PRKN: variants seen among roughly 807,000 people sequenced by gnomAD.
The protein encoded by PRKN is parkin RBR E3 ubiquitin protein ligase.
In PRKN, 56 loss-of-function variants were observed where a neutral mutation model predicts 59.5. The observed-to-expected ratio is 0.94, with a 90% CI of 0.76 to 1.18. The LOEUF is 1.18. PRKN is among the 50% of genes most tolerant of loss of function. The pLI, the probability that PRKN is intolerant of heterozygous loss-of-function variation, is 0.00. For missense variants in PRKN, 657 were observed against 596.4 expected, an observed-to-expected ratio of 1.10 and a Z score of -1.06; for synonymous variants, 250 against 222.1, an observed-to-expected ratio of 1.13 and a Z score of -1.12.
chr6:162,500,938 G>C (rs1391804901), intron 1 of PRKN, among the ~76,000 whole-genome samples: 1 of 152,158 alleles, frequency 6.6e-6, no homozygotes, highest in Non-Finnish European at 1.5e-5. Context: ...GGCTGAGGCA[G>C]AAGGACTGCT....
In PRKN at chr6:161,405,507, T is replaced by A. The variant is rs534051523; in HGVS notation, c.1084-18630A>T. 9.2e-5 allele frequency among the ~76,000 whole-genome samples: 14 copies of A among 151,940 alleles called. No individual in the cohort carries two copies. In the East Asian group the frequency reaches 2.7e-3, roughly 29 times the overall value. ...GCAGGAGAATTGCTTGAACCCAAGATGTGCAGGTTGTAGTGACCCAAGATC... is the reference window on the plus strand; with the variant it reads ...GCAGGAGAATTGCTTGAACCCAAGAAGTGCAGGTTGTAGTGACCCAAGATC... On this transcript the variant is annotated intron_variant, in intron 9 of 11. Transcript: ENST00000366898. This position sits in a 1 kb window ranked among gnomAD's most constrained non-coding sequence, Gnocchi z 5.1.
intron 7 of PRKN, among the ~76,000 whole-genome samples, chr6:161,750,586 G>A (rs1385571647): frequency 6.6e-6 from 1 of 151,880 alleles, no homozygotes; most frequent in East Asian, 1.9e-4. Flanking sequence ...TGACCAACAT[G>A]GTGAAAACCC....
chr6:162,171,986 T>C (rs1027585318), intron 4 of PRKN, among the ~76,000 whole-genome samples: 1 of 152,138 alleles, frequency 6.6e-6, no homozygotes, highest in Non-Finnish European at 1.5e-5. Flanking sequence ...GCATTTTAAA[T>C]ACACTAATAT....
In PRKN at chr6:161,746,430, G is replaced by T. The variant is rs534095483; in HGVS notation, c.871+39342C>A. ...GTCTAAGTCCAGAATCCCCCCAGCTGTTATCCCCAAGCCTAATGCTCAAAC... is the reference window on the plus strand; with the variant it reads ...GTCTAAGTCCAGAATCCCCCCAGCTTTTATCCCCAAGCCTAATGCTCAAAC... On this transcript the variant is annotated intron_variant, in intron 7 of 11. Coordinates refer to ENST00000366898, the MANE Select transcript of PRKN (RefSeq NM_004562.3). Among the ~76,000 whole-genome samples, 184 of 151,830 alleles carry T rather than the reference G, an allele frequency of 1.2e-3. 1 individual carries two copies. Among genetic ancestry groups the T allele is most frequent in the African/African-American group, 4.4e-3 (182 of 41,404 alleles).
chr6:161,543,906 C>T (rs9458298), intron 9 of PRKN, among the ~76,000 whole-genome samples: 27,729 of 151,982 alleles, frequency 0.18, 2,808 homozygotes, highest in Middle Eastern at 0.29. Flanking sequence ...CATTTTGCAT[C>T]GGAGTCATTA....
At chr6:161,452,168 G>A (rs1258179735) in intron 9 of PRKN, among the ~76,000 whole-genome samples, 1 of 150,164 alleles carries the variant, frequency 6.7e-6, no homozygotes, top group East Asian at 1.9e-4. Flanking sequence ...TGGCTAGGCT[G>A]GTGTCGAAGT....
intron 4 of PRKN, among the ~76,000 whole-genome samples, chr6:162,169,624 T>C (rs1335954707): frequency 6.6e-6 from 1 of 152,228 alleles, no homozygotes; most frequent in Non-Finnish European, 1.5e-5. Context: ...GTGTAGGAGT[T>C]GGATGAATAT....
intron 10 of PRKN, among the ~76,000 whole-genome samples, chr6:161,365,458 G>A (rs1785162414): frequency 6.6e-6 from 1 of 152,190 alleles, no homozygotes; most frequent in African/African-American, 2.4e-5. Flanking sequence ...AACAAAGGAT[G>A]TTATACTCAG....
intron 2 of PRKN, among the ~76,000 whole-genome samples, chr6:162,328,282 C>T (rs1026594170): frequency 2.6e-5 from 4 of 151,982 alleles, no homozygotes; most frequent in African/African-American, 9.7e-5. Flanking sequence ...TCACTTGAAC[C>T]CAGGAGACAG....
At chr6:162,132,615 T>A (rs991518649) in intron 4 of PRKN, among the ~76,000 whole-genome samples, 6 of 152,118 alleles carry the variant, frequency 3.9e-5, no homozygotes, top group Non-Finnish European at 2.9e-5. Flanking sequence ...AAGAGACCAG[T>A]ATGACATCTA....
At chr6:162,016,183 A>G (rs1782928391) in intron 5 of PRKN, among the ~76,000 whole-genome samples, 1 of 152,186 alleles carries the variant, frequency 6.6e-6, no homozygotes, top group South Asian at 2.1e-4. Flanking sequence ...AGCAAAGGCG[A>G]CACATCTGTT....
intron 7 of PRKN, among the ~76,000 whole-genome samples, chr6:161,781,732 T>A (rs1403170927): frequency 6.6e-6 from 1 of 152,160 alleles, no homozygotes; most frequent in Non-Finnish European, 1.5e-5. Flanking sequence ...AAATAATATA[T>A]GTAACCTGTC....
rs1419295717 is a variant in PRKN, at chr6:161,680,750, T to C, written c.871+105022A>G. Among the ~76,000 whole-genome samples, 16 of 19,980 alleles carry C rather than the reference T, an allele frequency of 8.0e-4. 1 individual carries two copies. The highest frequency in any genetic ancestry group is 2.5e-3 in the African/African-American group (14 of 5,522). The allele number at this position is 19,980 out of a possible 152,430, so 13.1% of individuals were successfully genotyped here. Reference sequence around the variant, plus strand: ...ACATATATATATATATATATATATATATATATATATATATATATATATATA... The same window carrying C: ...ACATATATATATATATATATATATACATATATATATATATATATATATATA... On this transcript the variant is annotated intron_variant, in intron 7 of 11. Transcript: ENST00000366898.
intron 4 of PRKN, among the ~76,000 whole-genome samples, chr6:162,162,002 A>T (rs1454958586): frequency 6.6e-6 from 1 of 150,976 alleles, no homozygotes; most frequent in Non-Finnish European, 1.5e-5. Context: ...CAACCAAAAG[A>T]AACAAAATGA....
chr6:161,826,876 C>T (rs1792267016), intron 6 of PRKN, among the ~76,000 whole-genome samples: 1 of 152,140 alleles, frequency 6.6e-6, no homozygotes, highest in African/African-American at 2.4e-5. Flanking sequence ...GACTTATGTT[C>T]TTCTCTCTTC....
intron 5 of PRKN, among the ~76,000 whole-genome samples, chr6:162,041,373 C>T (rs983810485): frequency 6.6e-6 from 1 of 152,054 alleles, no homozygotes; most frequent in African/African-American, 2.4e-5. Context: ...CAATTCTTAC[C>T]ACTTGGTGGC....
At chr6:162,618,901 C>G (rs145474359) in intron 1 of PRKN, among the ~76,000 whole-genome samples, 51 of 152,308 alleles carry the variant, frequency 3.3e-4, no homozygotes, top group African/African-American at 1.2e-3. Flanking sequence ...TCTCTCAGGG[C>G]ATCAGAGTAA....
In PRKN at chr6:162,527,760, T is replaced by C. The variant is rs539106014; in HGVS notation, c.8-84287A>G. Among the ~76,000 whole-genome samples, 3 of 152,284 alleles carry C rather than the reference T, an allele frequency of 2.0e-5. No homozygotes were observed. The South Asian group carries it at 6.2e-4, about 32-fold the overall frequency. On this transcript the variant is annotated intron_variant, in intron 1 of 11. Transcript: ENST00000366898. Reference sequence around the variant, plus strand: ...GAGGAGGGAATAGGAGAAAGCAATATAGCTCTCATCAGCACTTTCTTCCCA... The same window carrying C: ...GAGGAGGGAATAGGAGAAAGCAATACAGCTCTCATCAGCACTTTCTTCCCA...
At chr6:162,341,438 C>T (rs1249761339) in intron 2 of PRKN, among the ~76,000 whole-genome samples, 1 of 152,124 alleles carries the variant, frequency 6.6e-6, no homozygotes, top group Non-Finnish European at 1.5e-5. Context: ...AATCATTCTA[C>T]TATAAAGACA....
Sources: gnomAD v4.1 joint callset for allele counts (sites outside exome capture counted in the v4.1 genomes callset) on GRCh38, gnomAD v4.1.1 for gene constraint, Gnocchi (gnomAD v3.1) non-coding constraint, MANE v1.5 for transcripts, NCBI Gene and HGNC (gene_info 2026-07-23, HGNC 2026-07-21) for gene names.